Variants in MAST4 observed in about 807,000 individuals in gnomAD.
The protein encoded by MAST4 is microtubule-associated serine/threonine-protein kinase 4.
Under a neutral mutation model 162.7 loss-of-function variants are expected in MAST4, and 89 were observed. That is an observed-to-expected ratio of 0.55 (90% CI 0.46 to 0.65). MAST4 has a LOEUF of 0.65. Among genes scored for constraint, MAST4 ranks in the 30% least tolerant of loss-of-function variants. The probability of loss-of-function intolerance (pLI) is 0.00; values close to 1 mark genes in which losing one functional copy is unlikely to be tolerated. For synonymous variants in MAST4, 1,479 were observed against 1,361.1 expected, an observed-to-expected ratio of 1.09 and a Z score of -1.91; for missense variants, 3,153 against 3,374.0, an observed-to-expected ratio of 0.93 and a Z score of 1.62.
intron 1 of MAST4, among the ~76,000 whole-genome samples, chr5:66,739,846 G>GTTTTTTT (rs35980021): frequency 7.4e-6 from 1 of 135,714 alleles, no homozygotes; most frequent in Non-Finnish European, 1.6e-5. Context: ...CATCACTCTT[G>GTTTTTTT]TTTTTTTTTT....
rs201154124 is a variant in MAST4 at position 67,042,044 on chromosome 5, C to CT, written c.675-12358dup. Among the ~76,000 whole-genome samples, 1,011 of 152,328 alleles carry CT rather than the reference C, an allele frequency of 6.6e-3. 3 individuals carry two copies. The highest frequency in any genetic ancestry group is 0.017 in the Middle Eastern group (5 of 294). ...TCCTTGTATTTCATGGCTGCATTCT[C>CT]TTAAGAAACTGAGTCCATTTAATTT... On this transcript the variant is annotated intron_variant, in intron 4 of 28. Coordinates refer to ENST00000403625, the MANE Select transcript of MAST4 (RefSeq NM_001164664.2).
chr5:67,104,201 T>C (rs1342107043), intron 9 of MAST4, among the ~76,000 whole-genome samples, 165 bp from the exon 10 acceptor site: 3 of 152,246 alleles, frequency 2.0e-5, no homozygotes, highest in Admixed American at 6.5e-5. Flanking sequence ...GACATGTATG[T>C]ACCATTATTT....
chr5:67,063,339 A>G (rs1167958769), intron 5 of MAST4, among the ~76,000 whole-genome samples: 1 of 152,232 alleles, frequency 6.6e-6, no homozygotes, highest in Non-Finnish European at 1.5e-5. Flanking sequence ...TGTATATACC[A>G]ACATCATTAG....
intron 1 of MAST4, among the ~76,000 whole-genome samples, chr5:66,598,941 GTTGA>G: frequency 6.6e-6 from 1 of 152,304 alleles, no homozygotes; most frequent in South Asian, 2.1e-4. Flanking sequence ...GTGAGAACTG[GTTGA>G]TTGAAACACA....
At chr5:66,880,940 TGAAGAATC>T (rs1761654545) in intron 3 of MAST4, among the ~76,000 whole-genome samples, 1 of 152,226 alleles carries the variant, frequency 6.6e-6, no homozygotes, top group Non-Finnish European at 1.5e-5. Flanking sequence ...AGCTGCCTTT[TGAAGAATC>T]ACTCCCTCCC....
chr5:66,732,347 C>A (rs1443094478), intron 1 of MAST4, among the ~76,000 whole-genome samples: 1 of 152,136 alleles, frequency 6.6e-6, no homozygotes, highest in African/African-American at 2.4e-5. Flanking sequence ...ATTTCTTCTA[C>A]ATACCACCCA....
intron 4 of MAST4, chr5:66,986,406 C>T (rs778104834): frequency 7.7e-7 from 1 of 1,300,714 alleles, no homozygotes; most frequent in East Asian, 2.6e-5. Context: ...TGTAAATGTG[C>T]ATCATATCAC....
At chr5:66,855,495 G>A (rs758299695) in intron 3 of MAST4, among the ~76,000 whole-genome samples, 4 of 152,280 alleles carry the variant, frequency 2.6e-5, no homozygotes, top group African/African-American at 7.2e-5. Context: ...GTGTTTGCTC[G>A]CTTCATTTGT....
intron 1 of MAST4, among the ~76,000 whole-genome samples, chr5:66,667,269 A>G (rs1346286275): frequency 6.6e-6 from 1 of 152,154 alleles, no homozygotes; most frequent in Non-Finnish European, 1.5e-5. Context: ...AAGAAAATGT[A>G]TGGGCGTTTG....
intron 1 of MAST4, among the ~76,000 whole-genome samples, chr5:66,725,866 T>G (rs1751484659): frequency 6.6e-6 from 1 of 152,220 alleles, no homozygotes; most frequent in Admixed American, 6.5e-5. Context: ...AGGTGTAATC[T>G]CTGATGTTGA....
chr5:66,812,161 C>T (rs1756510212), intron 3 of MAST4, among the ~76,000 whole-genome samples: 2 of 152,136 alleles, frequency 1.3e-5, no homozygotes, highest in African/African-American at 4.8e-5. Context: ...CATTACCACA[C>T]AGCCATTGGG....
chr5:66,709,039 C>T (rs1414089210), intron 1 of MAST4, among the ~76,000 whole-genome samples: 1 of 152,168 alleles, frequency 6.6e-6, no homozygotes, highest in Non-Finnish European at 1.5e-5. Context: ...TCCTCCATGA[C>T]TGTCACTTCT....
intron 1 of MAST4, among the ~76,000 whole-genome samples, chr5:66,656,378 G>A (rs534127414): frequency 3.0e-4 from 46 of 152,240 alleles, no homozygotes; most frequent in African/African-American, 9.9e-4. Flanking sequence ...GGTTGGGAAC[G>A]TTGTTAAATC....
chr5:66,900,589 G>A (rs1762945538), intron 4 of MAST4, among the ~76,000 whole-genome samples: 1 of 151,942 alleles, frequency 6.6e-6, no homozygotes, highest in Admixed American at 6.6e-5. Flanking sequence ...TAAAATTGAG[G>A]ACAGAATTAA....
chr5:66,803,347 C>G (rs2149700641), intron 3 of MAST4, among the ~76,000 whole-genome samples: 1 of 152,288 alleles, frequency 6.6e-6, no homozygotes, highest in African/African-American at 2.4e-5. Flanking sequence ...CATGGTTGTT[C>G]TTCAAGAGCA....
At chr5:66,804,659 T>A (rs1756093676) in intron 3 of MAST4, among the ~76,000 whole-genome samples, 1 of 152,206 alleles carries the variant, frequency 6.6e-6, no homozygotes, top group South Asian at 2.1e-4. Context: ...AGGGTGTATT[T>A]GCTAAACAAT....
chr5:66,759,892 G>A, intron 2 of MAST4, 30 bp downstream of exon 2: 1 of 1,611,406 alleles, frequency 6.2e-7, no homozygotes, highest in Non-Finnish European at 8.5e-7. Flanking sequence ...ATGAGAGAAG[G>A]AATTGCATTT....
chr5:66,967,056 G>A (rs146888584), intron 4 of MAST4, among the ~76,000 whole-genome samples: 56 of 152,294 alleles, frequency 3.7e-4, no homozygotes, highest in Middle Eastern at 3.4e-3. Flanking sequence ...TGTTCATGCT[G>A]TTACCACAGA....
chr5:66,785,699 G>C (rs932624310), intron 2 of MAST4, among the ~76,000 whole-genome samples: 1 of 152,112 alleles, frequency 6.6e-6, no homozygotes, highest in Non-Finnish European at 1.5e-5. Context: ...GATCAGTATT[G>C]TTCTAATAGT....
Sources: gnomAD v4.1 joint callset for allele counts (sites outside exome capture counted in the v4.1 genomes callset) on GRCh38, gnomAD v4.1.1 for gene constraint, MANE v1.5 for transcripts, NCBI Gene and HGNC (gene_info 2026-07-23, HGNC 2026-07-21) for gene names.